The following ANKRD30A variants were observed in gnomAD, a reference collection of about 807,000 sequenced individuals.
The protein encoded by ANKRD30A is ankyrin repeat domain 30A.
Under a neutral mutation model 166.3 loss-of-function variants are expected in ANKRD30A, and 170 were observed. That is an observed-to-expected ratio of 1.02 (90% CI 0.90 to 1.16). The LOEUF is 1.16. Ranked by LOEUF, ANKRD30A falls within the 50% of genes most tolerant of loss-of-function variation. The pLI is 0.00. For synonymous variants in ANKRD30A, 564 were observed against 508.9 expected, an observed-to-expected ratio of 1.11 and a Z score of -1.46; for missense variants, 1,630 against 1,518.0, an observed-to-expected ratio of 1.07 and a Z score of -1.23.
chr10:37,196,792 A>AT (rs1247354236), intron 27 of ANKRD30A, among the ~76,000 whole-genome samples: 1 of 152,140 alleles, frequency 6.6e-6, no homozygotes, highest in Non-Finnish European at 1.5e-5. Context: ...ATGAATATTC[A>AT]TTTTAAGTAT....
At chr10:37,260,177 T>G in the ANKRD30A span, among the ~76,000 whole-genome samples, 1 of 151,882 alleles carries the variant, frequency 6.6e-6, no homozygotes, top group Non-Finnish European at 1.5e-5. Context: ...AAAAATAGTG[T>G]TGCGCTTGTT....
intron 15 of ANKRD30A, among the ~76,000 whole-genome samples, chr10:37,159,710 GTTTTGT>G (rs1239120579): frequency 6.6e-6 from 1 of 151,384 alleles, no homozygotes; most frequent in Non-Finnish European, 1.5e-5. Flanking sequence ...TTTTTGTTTT[GTTTTGT>G]TTTTGTTTTT....
At chr10:37,165,194 C>T (rs912329729) in intron 18 of ANKRD30A, 39 bp downstream of exon 18, 3 of 1,533,466 alleles carry the variant, frequency 2.0e-6, no homozygotes, top group Non-Finnish European at 2.7e-6. Context: ...ATTAGTATTG[C>T]ATGATATGAA....
intron 31 of ANKRD30A, among the ~76,000 whole-genome samples, chr10:37,212,015 C>A (rs1407800166): frequency 6.6e-6 from 1 of 151,884 alleles, no homozygotes; most frequent in African/African-American, 2.4e-5. Flanking sequence ...GAAGTTCTGG[C>A]CAGGGCAATC....
chr10:37,221,634 CTG>C, intron 34 of ANKRD30A, among the ~76,000 whole-genome samples: 1 of 151,372 alleles, frequency 6.6e-6, no homozygotes, highest in Admixed American at 6.6e-5. Flanking sequence ...ATTTTTAAAA[CTG>C]TGGCTGTCAT....
chr10:37,212,649 T>C (rs566980586), intron 31 of ANKRD30A, among the ~76,000 whole-genome samples: 69 of 152,114 alleles, frequency 4.5e-4, no homozygotes, highest in African/African-American at 8.4e-4. Context: ...CAAAACAGCA[T>C]GGTACTGGTA....
chr10:37,210,285 C>G (rs976114343), intron 31 of ANKRD30A, among the ~76,000 whole-genome samples: 2 of 152,022 alleles, frequency 1.3e-5, no homozygotes, highest in East Asian at 1.9e-4. Context: ...CTGCAAAGGA[C>G]ATGAATTCAT....
At chr10:37,202,815 G>A (rs1325379071) in intron 31 of ANKRD30A, among the ~76,000 whole-genome samples, 4 of 152,030 alleles carry the variant, frequency 2.6e-5, no homozygotes, top group South Asian at 2.1e-4. Context: ...TATCACCACC[G>A]ATCCCACAGA....
intron 27 of ANKRD30A, among the ~76,000 whole-genome samples, chr10:37,195,006 C>T (rs908059565): frequency 1.5e-4 from 23 of 152,040 alleles, no homozygotes; most frequent in Middle Eastern, 3.2e-3. Flanking sequence ...GACATTGTGA[C>T]ATGTCATGAG....
the ANKRD30A span, among the ~76,000 whole-genome samples, chr10:37,243,292 GC>G: frequency 5.0e-5 from 7 of 138,742 alleles, no homozygotes; most frequent in East Asian, 1.0e-3. Flanking sequence ...CTGCCACCAC[GC>G]CCACCTTTTT....
chr10:37,183,293 T>G (rs2132642485), intron 24 of ANKRD30A, among the ~76,000 whole-genome samples: 2 of 146,366 alleles, frequency 1.4e-5, no homozygotes, highest in East Asian at 4.1e-4. Context: ...TTTACACTTT[T>G]TAGAAAATAT....
rs147778776 is a variant in ANKRD30A, at chr10:37,166,873, T to A, written c.2155+178T>A. ...CAGGTGATGGCAACAGACTATATTGTGAGTGCTGAAGCGGAGCTGAATTAC... is the reference window on the plus strand; with the variant it reads ...CAGGTGATGGCAACAGACTATATTGAGAGTGCTGAAGCGGAGCTGAATTAC... On this transcript the variant is annotated intron_variant, in intron 19 of 35. Transcript: ENST00000361713. Among the ~76,000 whole-genome samples, 112 of 152,200 alleles carry A rather than the reference T, an allele frequency of 7.4e-4. 1 individual carries two copies. The East Asian group carries it at 0.017, about 23-fold the overall frequency.
chr10:37,137,915 C>T (rs1318023730), intron 6 of ANKRD30A, among the ~76,000 whole-genome samples: 7 of 152,180 alleles, frequency 4.6e-5, no homozygotes, highest in Admixed American at 6.5e-5. Flanking sequence ...GATCTGAGAA[C>T]GGACAGACTG....
At chr10:37,210,427 A>G (rs1434768266) in intron 31 of ANKRD30A, among the ~76,000 whole-genome samples, 1 of 152,100 alleles carries the variant, frequency 6.6e-6, no homozygotes, top group Non-Finnish European at 1.5e-5. Flanking sequence ...CAATAAACCT[A>G]TGTATGCATG....
At chr10:37,201,864 C>G (rs1413591140) in intron 31 of ANKRD30A, among the ~76,000 whole-genome samples, 4 of 152,010 alleles carry the variant, frequency 2.6e-5, no homozygotes, top group African/African-American at 4.8e-5. Flanking sequence ...GTTCTATTTG[C>G]CATAGGTGAG....
chr10:37,199,220 A>C (rs1841413416), intron 29 of ANKRD30A, among the ~76,000 whole-genome samples: 1 of 152,124 alleles, frequency 6.6e-6, no homozygotes, highest in Non-Finnish European at 1.5e-5. Context: ...TAGCATATTG[A>C]AATGTAAAAG....
chr10:37,160,017 T>C (rs1373703443), intron 15 of ANKRD30A, among the ~76,000 whole-genome samples: 3 of 152,182 alleles, frequency 2.0e-5, no homozygotes, highest in African/African-American at 4.8e-5. Context: ...AAATTTTCAA[T>C]AAATGGTTGT....
intron 5 of ANKRD30A, among the ~76,000 whole-genome samples, chr10:37,134,785 C>A (rs1421816143): frequency 6.6e-6 from 1 of 152,142 alleles, no homozygotes; most frequent in African/African-American, 2.4e-5. Context: ...GGTAAGTTAT[C>A]CTTTGAATGA....
rs534154547 is a variant in ANKRD30A, at chr10:37,191,495, C to T, written c.2513-1569C>T. 2.6e-5 allele frequency among the ~76,000 whole-genome samples: 4 copies of T among 151,976 alleles called. No individual in the cohort carries two copies. The East Asian group carries it at 7.7e-4, about 29-fold the overall frequency. Reference sequence around the variant, plus strand: ...GTTGCCTTAAAGACACATGGTGTAGCATTCTACGTTCAGCTTTTGCATTTA... The same window carrying T: ...GTTGCCTTAAAGACACATGGTGTAGTATTCTACGTTCAGCTTTTGCATTTA... On this transcript the variant is annotated intron_variant, in intron 25 of 35. Transcript: ENST00000361713.
Sources: allele counts gnomAD v4.1 joint callset (sites outside exome capture counted in the v4.1 genomes callset), GRCh38; gene constraint gnomAD v4.1.1; transcripts MANE v1.5; gene names NCBI Gene and HGNC (gene_info 2026-07-23, HGNC 2026-07-21).